The following LMTK2 variants were observed in gnomAD, a reference collection of about 807,000 sequenced individuals.
LMTK2 encodes lemur tail kinase 2.
Under a neutral mutation model 127.5 loss-of-function variants are expected in LMTK2, and 37 were observed. That is an observed-to-expected ratio of 0.29 (90% confidence interval 0.22 to 0.38). The LOEUF is 0.38. Ranked by LOEUF, LMTK2 falls within the 10% of genes least tolerant of loss-of-function variation. LMTK2 has a pLI of 1.00. For synonymous variants in LMTK2, 819 were observed against 810.1 expected, an observed-to-expected ratio of 1.01 and a Z score of -0.19; for missense variants, 1,694 against 1,920.3, an observed-to-expected ratio of 0.88 and a Z score of 2.20.
In LMTK2 at chr7:98,193,339, A is replaced by G; in HGVS notation, c.2874A>G (p.Ala958=). The G allele has an allele frequency of 2.5e-6, 4 of 1,614,226 alleles. No individual in the cohort carries two copies. The East Asian group carries it at 8.9e-5, about 36-fold the overall frequency. The change falls in exon 11 of 14, where the codon GCA becomes GCG. Residue 958 remains alanine (A), a synonymous_variant. Transcript: ENST00000297293. This position sits in a 1 kb window ranked among gnomAD's most constrained non-coding sequence, Gnocchi z 4.1. ...TAAATCAGCTCAATTCTAAAGACGC[A>G]GCAAAAGAAGCAGGCTTGGTGTCTG... is the stretch of plus-strand genomic sequence containing the variant. ...ETLNQLNSKD[A]AKEAGLVSAL...
intron 1 of LMTK2, among the ~76,000 whole-genome samples, chr7:98,109,298 G>C (rs1352271200): frequency 1.3e-5 from 2 of 152,124 alleles, no homozygotes; most frequent in Admixed American, 1.3e-4. Flanking sequence ...ATCAAATCTT[G>C]ACATACATAT....
Position 98,166,885 on chromosome 7 carries a change from T to C in LMTK2, c.658-4656T>C, listed in dbSNP as rs557211865. 2.0e-5 allele frequency among the ~76,000 whole-genome samples: 3 copies of C among 152,348 alleles called. No homozygotes were observed. In the South Asian group the frequency reaches 6.2e-4, roughly 32 times the overall value. On this transcript the variant is annotated intron_variant, in intron 6 of 13. Coordinates refer to ENST00000297293, the MANE Select transcript of LMTK2 (RefSeq NM_014916.4). Reference sequence around the variant, plus strand: ...TGTTAAGTGACACACGACTGTATTTTAACAGAATTTTGGAATAATTTAGAC... The same window carrying C: ...TGTTAAGTGACACACGACTGTATTTCAACAGAATTTTGGAATAATTTAGAC...
rs1491030619 is a variant in LMTK2 at position 98,207,957 on chromosome 7, T to TAC, written c.*2466_*2467dup. 1 of 132,308 alleles carries TAC rather than the reference T, an allele frequency of 7.6e-6. No homozygotes were observed. Among genetic ancestry groups the TAC allele is most frequent in the African/African-American group, 2.8e-5 (1 of 35,662 alleles). 8.2% of individuals were successfully genotyped at this position (132,308 alleles called of 1,614,324 possible). On this transcript the variant is annotated 3_prime_UTR_variant, in exon 14 of 14. Transcript: ENST00000297293. ...TACAAAATATATATATATATATATA[T>TAC]ACTAGCTGGGGCACATAGTGGTGTG...
intron 7 of LMTK2, among the ~76,000 whole-genome samples, chr7:98,176,531 A>T (rs970465337): frequency 6.6e-6 from 1 of 151,906 alleles, no homozygotes; most frequent in African/African-American, 2.4e-5. Context: ...AGGCCCAAGA[A>T]ATAAGGGGGA....
chr7:98,148,492 CAAAA>C (rs1202150647), intron 3 of LMTK2, among the ~76,000 whole-genome samples: 1 of 135,368 alleles, frequency 7.4e-6, no homozygotes, highest in African/African-American at 3.0e-5. Context: ...GACTCCGTCT[CAAAA>C]AAAAAAAAAA....
chr7:98,203,665 T>C lies in LMTK2; in HGVS notation c.4199T>C (p.Leu1400Pro). Reference protein sequence around the residue: ...GPAPASGSPYLSRCINSESST... With the variant: ...GPAPASGSPYPSRCINSESST... ...GCCCCAGCCTCAGGCTCTCCCTACCTGAGCAGGTGCATCAACTCCGAAAGC... is the reference window on the plus strand; with the variant it reads ...GCCCCAGCCTCAGGCTCTCCCTACCCGAGCAGGTGCATCAACTCCGAAAGC... Residue 1400 changes from leucine to proline, a missense_variant, in exon 12 of 14, where the codon CTG becomes CCG. By Grantham distance (98) the Leu-to-Pro change is moderately conservative (BLOSUM62 -3). Coordinates refer to ENST00000297293, the MANE Select transcript of LMTK2 (RefSeq NM_014916.4). The C allele has an allele frequency of 1.2e-6, 2 of 1,613,882 alleles. No homozygotes were observed. Among genetic ancestry groups the C allele is most frequent in the Non-Finnish European group, 1.7e-6 (2 of 1,179,968 alleles).
At position 98,192,573 on chromosome 7, in the gene LMTK2, A is replaced by G. The variant is rs1348696188; in HGVS notation, c.2108A>G (p.Asp703Gly). The change falls in exon 11 of 14, where the codon GAT (aspartate) becomes GGT (glycine). Residue 703 changes from aspartate to glycine, a missense_variant. By Grantham distance (94) the Asp-to-Gly change is moderately conservative. Coordinates refer to ENST00000297293, the MANE Select transcript of LMTK2 (RefSeq NM_014916.4). ...GACAGTGAGCCTCTCTGCCTATCAG[A>G]TAATCTTATGCACCAAGATAATTTT... ...IFDSEPLCLS[D>G]NLMHQDNFDP... 1 of 1,613,388 alleles carries G rather than the reference A, an allele frequency of 6.2e-7. No individual in the cohort carries two copies. The highest frequency in any genetic ancestry group is 1.7e-5 in the Admixed American group (1 of 59,942).
At chr7:98,200,352 G>A (rs1797689064) in intron 11 of LMTK2, among the ~76,000 whole-genome samples, 1 of 152,208 alleles carries the variant, frequency 6.6e-6, no homozygotes, top group Admixed American at 6.5e-5. Context: ...AAACTCAAGA[G>A]GAAATGAATA....
chr7:98,196,549 C>T (rs1797625075), intron 11 of LMTK2, among the ~76,000 whole-genome samples: 1 of 152,184 alleles, frequency 6.6e-6, no homozygotes, highest in Non-Finnish European at 1.5e-5. Context: ...CGGTTAGGAG[C>T]TAGGGAGCAC....
intron 5 of LMTK2, among the ~76,000 whole-genome samples, chr7:98,155,743 A>G (rs1175182344): frequency 2.6e-5 from 4 of 152,220 alleles, no homozygotes; most frequent in Non-Finnish European, 5.9e-5. Context: ...GAAAACTAAG[A>G]GAATTTATTA....
rs1039785087 is a variant in LMTK2, at chr7:98,190,721, C to T, written c.999-7C>T. 2 of 1,613,454 alleles carry T rather than the reference C, an allele frequency of 1.2e-6. No individual in the cohort carries two copies. Among genetic ancestry groups the T allele is most frequent in the South Asian group, 1.1e-5 (1 of 90,914 alleles). ...AGAGAGAAACAGCCATTTTCTTTTT[C>T]CAACAGGTCTCTGGGTGTGACACTT... On this transcript the variant is annotated splice_polypyrimidine_tract_variant and splice_region_variant and intron_variant, in intron 9 of 13. Coordinates refer to ENST00000297293, the MANE Select transcript of LMTK2 (RefSeq NM_014916.4).
chr7:98,140,559 TG>T (rs1222055563), intron 2 of LMTK2, among the ~76,000 whole-genome samples: 1 of 152,204 alleles, frequency 6.6e-6, no homozygotes, highest in African/African-American at 2.4e-5. Context: ...GTTCAGATCC[TG>T]GTGATTTTTT....
At chr7:98,154,658 T>C in intron 4 of LMTK2, 100 bp from the exon 5 acceptor site, 1 of 735,366 alleles carries the variant, frequency 1.4e-6, no homozygotes, top group Non-Finnish European at 2.4e-6. Context: ...CACCTGCTTA[T>C]TGCTTAACTT....
intron 7 of LMTK2, among the ~76,000 whole-genome samples, chr7:98,183,778 G>T (rs935219714): frequency 6.6e-6 from 1 of 152,044 alleles, no homozygotes; most frequent in African/African-American, 2.4e-5. Context: ...CGAGTGATCC[G>T]CCTGCCTTAG....
At chr7:98,125,934 T>G (rs1172938016) in intron 1 of LMTK2, among the ~76,000 whole-genome samples, 2 of 152,194 alleles carry the variant, frequency 1.3e-5, no homozygotes, top group Admixed American at 1.3e-4. Flanking sequence ...CAGGCCTGCT[T>G]CAATATTCAA....
At chr7:98,117,584 G>C (rs1430455942) in intron 1 of LMTK2, among the ~76,000 whole-genome samples, 1 of 151,904 alleles carries the variant, frequency 6.6e-6, no homozygotes, top group Admixed American at 6.6e-5. Context: ...AGAAGCTACA[G>C]GTTCATCTTG....
chr7:98,158,430 A>T (rs1048588822), intron 5 of LMTK2, among the ~76,000 whole-genome samples: 10 of 152,196 alleles, frequency 6.6e-5, no homozygotes, highest in African/African-American at 2.4e-4. Context: ...GCGCGTCCCC[A>T]CACCCAATTA....
At chr7:98,165,966 C>T (rs911679826) in intron 6 of LMTK2, among the ~76,000 whole-genome samples, 5 of 152,166 alleles carry the variant, frequency 3.3e-5, no homozygotes, top group South Asian at 4.1e-4. Flanking sequence ...GTGATTGGGT[C>T]GGGGGTACGT....
intron 4 of LMTK2, among the ~76,000 whole-genome samples, chr7:98,153,017 GGAGTTGCTGTCAACT>G (rs1481944003): frequency 1.1e-4 from 17 of 152,298 alleles, no homozygotes; most frequent in Admixed American, 1.0e-3. Context: ...CTGGAAGAAT[GGAGTTGCTGTCAACT>G]GAAATGCAAC....
Sources: allele counts gnomAD v4.1 joint callset (sites outside exome capture counted in the v4.1 genomes callset), GRCh38; gene constraint gnomAD v4.1.1; non-coding constraint Gnocchi (gnomAD v3.1); transcripts MANE v1.5; gene names NCBI Gene and HGNC (gene_info 2026-07-23, HGNC 2026-07-21).